The following TUBGCP5 variants were observed in gnomAD, a reference collection of about 807,000 sequenced individuals.
TUBGCP5 encodes gamma-tubulin complex component 5.
TUBGCP5 carries 98 observed loss-of-function variants against 134.7 expected under a neutral mutation model. The observed-to-expected ratio is 0.73, with a 90% CI of 0.62 to 0.86. The LOEUF (loss-of-function observed/expected upper bound fraction) is 0.86, where lower values mean the gene tolerates loss of function less well. Ranked by LOEUF, TUBGCP5 falls within the 40% of genes least tolerant of loss-of-function variation. The probability of loss-of-function intolerance (pLI) is 0.00; values close to 1 mark genes in which losing one functional copy is unlikely to be tolerated. For synonymous variants in TUBGCP5, 456 were observed against 431.4 expected (o/e 1.06, Z -0.71); for missense variants, 1,150 against 1,244.8 (o/e 0.92, Z 1.15).
At chr15:23,026,257 T>C in intron 7 of TUBGCP5, 52 bp from the exon 8 acceptor site, 1 of 1,491,536 alleles carries the variant, frequency 6.7e-7, no homozygotes, top group Non-Finnish European at 9.3e-7. Context: ...AGTAAGTAAA[T>C]AACTTATCTC....
rs756332404 is a variant in TUBGCP5 at position 23,032,747 on chromosome 15, T to C, written c.387A>G (p.Thr129=). Residue 129 remains threonine, a synonymous_variant, in exon 4 of 23, where the codon ACA becomes ACG. Coordinates refer to ENST00000615383, the MANE Select transcript of TUBGCP5 (RefSeq NM_052903.6). ...ACATACCCACTTCTTTATTTCTTGG[T>C]GTCTCCACATAACTGCTGTTTGAAG... The part of the protein sequence containing the change: ...DSPSNSSYVE[T]PRNKEVEKKD... The C allele has an allele frequency of 1.3e-6, 2 of 1,585,012 alleles. No individual in the cohort carries two copies. Among genetic ancestry groups the C allele is most frequent in the African/African-American group, 2.7e-5 (2 of 73,676 alleles).
chr15:23,004,836 T>C (rs909358779), intron 19 of TUBGCP5, among the ~76,000 whole-genome samples: 4 of 152,254 alleles, frequency 2.6e-5, no homozygotes, highest in Admixed American at 2.6e-4. Context: ...CCCAAGCAAG[T>C]TGGGTTTCAG....
intron 23 of TUBGCP5, among the ~76,000 whole-genome samples, chr15:22,984,641 T>C (rs996903913): frequency 1.3e-5 from 2 of 152,000 alleles, no homozygotes; most frequent in African/African-American, 4.8e-5. Flanking sequence ...AAAGAAACTT[T>C]TTTTAAAAAT....
Position 23,039,382 on chromosome 15 carries a change from G to A in TUBGCP5, c.146+16C>T, listed in dbSNP as rs771391148. ...GGGCTGTGGCCGGGAACCCGCCCGC[G>A]CGCCGTGCCCCACACCTGAAGTTGG... On this transcript the variant is annotated intron_variant, in intron 1 of 22. Coordinates refer to ENST00000615383, the MANE Select transcript of TUBGCP5 (RefSeq NM_052903.6). 4.9e-6 allele frequency: 7 copies of A among 1,422,056 alleles called. No homozygotes were observed. The South Asian group carries it at 6.1e-5, about 12-fold the overall frequency. 88.1% of individuals were successfully genotyped at this position (1,422,056 alleles called of 1,614,324 possible).
In TUBGCP5 at chr15:23,022,118, A is replaced by G; in HGVS notation, c.1212T>C (p.Pro404=). ...GCAGAACCTTGAGCTGAGACAATCG[A>G]GGTGCCAACTTGTCCACCACTATTG... ...TLAIVVDKLA[P]RLSQLKVLHK... Residue 404 remains proline, a synonymous_variant, in exon 11 of 23, where the codon CCT becomes CCC. Coordinates refer to ENST00000615383, the MANE Select transcript of TUBGCP5 (RefSeq NM_052903.6). 6.2e-7 allele frequency: 1 copy of G among 1,614,222 alleles called. No individual in the cohort carries two copies. Among genetic ancestry groups the G allele is most frequent in the Non-Finnish European group, 8.5e-7 (1 of 1,180,018 alleles).
At chr15:22,997,422 CA>C (rs1358210211), downstream of TUBGCP5, among the ~76,000 whole-genome samples, 1 of 151,572 alleles carries the variant, frequency 6.6e-6, no homozygotes, top group African/African-American at 2.4e-5. Context: ...TCAGGTGATC[CA>C]CCCACCTTGA....
At position 23,027,292 on chromosome 15, in the gene TUBGCP5, G is replaced by A; in HGVS notation, c.637C>T (p.Arg213Ter). Residue 213 changes from arginine (R) to a stop codon, truncating the protein, a stop_gained, in exon 7 of 23, where the codon CGA becomes TGA. Coordinates refer to ENST00000615383, the MANE Select transcript of TUBGCP5 (RefSeq NM_052903.6). LOFTEE classifies it high-confidence loss of function. ...ACCACATGATGTTCCAGCCAGCTTC[G>A]GTCATCTGGCTCATCTGCTTGAAAG... ...CISWKDEPDD[R>*]SWLEHHVVHQ... 3 of 1,613,580 alleles carry A rather than the reference G, an allele frequency of 1.9e-6. No individual in the cohort carries two copies. Among genetic ancestry groups the A allele is most frequent in the Non-Finnish European group, 2.5e-6 (3 of 1,179,800 alleles).
At chr15:23,030,278 A>T (rs1009118260) in intron 6 of TUBGCP5, among the ~76,000 whole-genome samples, 13 of 152,160 alleles carry the variant, frequency 8.5e-5, no homozygotes, top group African/African-American at 3.1e-4. Context: ...CTATGTATTA[A>T]GACATAATAC....
At chr15:23,009,860 A>G in intron 15 of TUBGCP5, 85 bp downstream of exon 15, 2 of 1,289,710 alleles carry the variant, frequency 1.6e-6, no homozygotes, top group Admixed American at 2.5e-5. Context: ...TCTAATAAAA[A>G]TTGAAATAGG....
chr15:23,000,308 G>A (rs2140395817), intron 22 of TUBGCP5: 1 of 1,273,654 alleles, frequency 7.9e-7, no homozygotes, highest in Non-Finnish European at 9.9e-7. Context: ...AATCTATTCT[G>A]CCATCAACTT....
rs771343069 is a variant in TUBGCP5, at chr15:23,006,126, A to T, written c.2459T>A (p.Ile820Asn). ...TAAGAGAAGAAACACTTGATTATAA[A>T]TTTTTTGACATTCCAAACTTATAAC... ...DIVISLECQKIYNQVFLLLLQ... is the reference protein window; with the variant it reads ...DIVISLECQKNYNQVFLLLLQ... Residue 820 changes from isoleucine to asparagine, a missense_variant, in exon 18 of 23, where the codon ATT (isoleucine) becomes AAT (asparagine). This residue lies in a region of TUBGCP5 where 697 missense variants were observed against 850.1 expected (regional missense o/e 0.82). Coordinates refer to ENST00000615383, the MANE Select transcript of TUBGCP5 (RefSeq NM_052903.6). 1 of 1,612,512 alleles carries T rather than the reference A, an allele frequency of 6.2e-7. No homozygotes were observed. The highest frequency in any genetic ancestry group is 8.5e-7 in the Non-Finnish European group (1 of 1,179,662).
At chr15:23,030,504 C>G (rs1045698500) in intron 6 of TUBGCP5, among the ~76,000 whole-genome samples, 1 of 149,474 alleles carries the variant, frequency 6.7e-6, no homozygotes, top group African/African-American at 2.5e-5. Flanking sequence ...CTCCCTTATA[C>G]TTTTTTATTT....
At chr15:23,001,599 T>A (rs1020936165) in intron 21 of TUBGCP5, among the ~76,000 whole-genome samples, 4 of 151,958 alleles carry the variant, frequency 2.6e-5, no homozygotes, top group African/African-American at 9.7e-5. Flanking sequence ...CACCTCAGCC[T>A]CTCAAAGCAC....
chr15:23,020,888 G>C (rs1437181282), intron 11 of TUBGCP5, among the ~76,000 whole-genome samples: 2 of 152,008 alleles, frequency 1.3e-5, no homozygotes, highest in Non-Finnish European at 2.9e-5. Context: ...ATAGGCATGT[G>C]CCTCCAGAGC....
rs2064710186 is a variant in TUBGCP5, at chr15:23,006,296, A to AC, written c.2383_2384insG (p.Ile795SerfsTer28). On this transcript the variant is annotated frameshift_variant, in exon 17 of 23. Coordinates refer to ENST00000615383, the MANE Select transcript of TUBGCP5 (RefSeq NM_052903.6). LOFTEE classifies it high-confidence loss of function. Reference sequence around the variant, plus strand: ...GTAGCTGAGGGTCAGACCATCTAAGATATGAACAGGCAGCTTCTTCTTAGC... The same window carrying AC: ...GTAGCTGAGGGTCAGACCATCTAAGACTATGAACAGGCAGCTTCTTCTTAGC... 3 of 1,610,328 alleles carry AC rather than the reference A, an allele frequency of 1.9e-6. No individual in the cohort carries two copies. The highest frequency in any genetic ancestry group is 2.5e-6 in the Non-Finnish European group (3 of 1,179,282).
intron 13 of TUBGCP5, among the ~76,000 whole-genome samples, chr15:23,011,567 C>T (rs907000609): frequency 1.3e-5 from 2 of 149,426 alleles, no homozygotes; most frequent in South Asian, 2.1e-4. Flanking sequence ...CGCAATGGCG[C>T]CATCTTGGCT....
chr15:23,010,153 G>A lies in TUBGCP5; in HGVS notation c.1956-20C>T, dbSNP rs376437588. The A allele has an allele frequency of 6.2e-6, 10 of 1,600,852 alleles. No homozygotes were observed. The highest frequency in any genetic ancestry group is 8.5e-6 in the Non-Finnish European group (10 of 1,171,314). The stretch of plus-strand genomic sequence containing the variant: ...TACATCCTTCAAGATAAAAATGTGA[G>A]TCTTCTTTTTATGAGCTGCTGTCAA... On this transcript the variant is annotated intron_variant, in intron 14 of 22. Transcript: ENST00000615383.
chr15:23,004,926 T>C (rs1044977773), intron 19 of TUBGCP5, among the ~76,000 whole-genome samples: 3 of 152,220 alleles, frequency 2.0e-5, no homozygotes, highest in Non-Finnish European at 2.9e-5. Flanking sequence ...ATACTGCTCT[T>C]GTTCCAATTT....
chr15:23,024,183 C>G lies in TUBGCP5; in HGVS notation c.932G>C (p.Arg311Pro), dbSNP rs750464984. The change falls in exon 10 of 23, where the codon CGA becomes CCA. Residue 311 changes from arginine (R) to proline (P), a missense_variant. Arg to Pro is a moderately radical substitution (Grantham distance 103). Coordinates refer to ENST00000615383, the MANE Select transcript of TUBGCP5 (RefSeq NM_052903.6). ...IVTHLTHSCL[R>P]SVLEQIAAYG... Reference sequence around the variant, plus strand: ...TGCTGCTATTTGTTCCAGCACAGATCGTAAACAGCTCTACAACACAAGCAA... The same window carrying G: ...TGCTGCTATTTGTTCCAGCACAGATGGTAAACAGCTCTACAACACAAGCAA... 4 of 1,613,526 alleles carry G rather than the reference C, an allele frequency of 2.5e-6. No individual in the cohort carries two copies. The highest frequency in any genetic ancestry group is 2.5e-6 in the Non-Finnish European group (3 of 1,179,746).
Sources: gnomAD v4.1 joint callset for allele counts (sites outside exome capture counted in the v4.1 genomes callset) on GRCh38, gnomAD v4.1.1 for gene constraint, gnomAD v4.1.1 regional missense constraint, MANE v1.5 for transcripts, NCBI Gene and HGNC (gene_info 2026-07-23, HGNC 2026-07-21) for gene names.